The following BOLL variants were observed in gnomAD, a reference collection of about 807,000 sequenced individuals.
The protein encoded by BOLL is protein boule-like.
Under a neutral mutation model 44.4 loss-of-function variants are expected in BOLL, and 23 were observed. The ratio of observed to expected loss-of-function variants is 0.52; its 90% confidence interval spans 0.37 to 0.73. The LOEUF (loss-of-function observed/expected upper bound fraction) is 0.73. Among genes scored for constraint, BOLL ranks in the 30% least tolerant of loss-of-function variants. The pLI is 0.00. For synonymous variants in BOLL, 97 were observed against 110.8 expected (o/e 0.88, Z 0.78); for missense variants, 287 against 338.3 (o/e 0.85, Z 1.19).
intron 3 of BOLL, among the ~76,000 whole-genome samples, chr2:197,777,720 A>G (rs978887096): frequency 2.6e-5 from 4 of 151,858 alleles, no homozygotes; most frequent in Non-Finnish European, 5.9e-5. Context: ...ATACACATAA[A>G]TGATGTGCTC....
rs142614771 is a variant in BOLL, at chr2:197,754,750, A to AACACACACACACAC, written c.729+1664_729+1677dup. Among the ~76,000 whole-genome samples the AACACACACACACAC allele has an allele frequency of 2.1e-3, 315 of 150,058 alleles. 1 individual carries two copies. The highest frequency in any genetic ancestry group is 7.2e-3 in the African/African-American group (298 of 41,130). ...CAAAAAACAAACAAAAAAACCCCAA[A>AACACACACACACAC]ACACACACACACACACACACACACA... On this transcript the variant is annotated intron_variant, in intron 9 of 10. Coordinates refer to ENST00000392296, the MANE Select transcript of BOLL (RefSeq NM_033030.6).
Position 197,753,524 on chromosome 2 carries a change from CAT to C in BOLL, c.729+2902_729+2903del, listed in dbSNP as rs578042648. 4.5e-4 allele frequency among the ~76,000 whole-genome samples: 68 copies of C among 152,206 alleles called. 2 individuals carry two copies. The South Asian group carries it at 1.0e-2, about 22-fold the overall frequency. On this transcript the variant is annotated intron_variant, in intron 9 of 10. Transcript: ENST00000392296. ...AGAAGATATTTATGTGGCCACCAAA[CAT>C]ATGAAAAAAAGCTCATCATCACTGG... is the stretch of plus-strand genomic sequence containing the variant.
chr2:197,741,115 A>C lies in BOLL; in HGVS notation c.828+1946T>G, dbSNP rs574068520. ...ATATTGATTCTTCCTACCCGTGAGCATGGAATGTTCTTCCATTTGTTTGTA... is the reference window on the plus strand; with the variant it reads ...ATATTGATTCTTCCTACCCGTGAGCCTGGAATGTTCTTCCATTTGTTTGTA... On this transcript the variant is annotated intron_variant, in intron 10 of 10. Coordinates refer to ENST00000392296, the MANE Select transcript of BOLL (RefSeq NM_033030.6). Among the ~76,000 whole-genome samples the C allele has an allele frequency of 2.6e-5, 4 of 152,312 alleles. No homozygotes were observed. In the East Asian group the frequency reaches 7.7e-4, roughly 29 times the overall value.
chr2:197,785,492 G>T, upstream of BOLL: 2 of 675,506 alleles, frequency 3.0e-6, no homozygotes, highest in Non-Finnish European at 3.7e-6. This position sits in a 1 kb window ranked among gnomAD's most constrained non-coding sequence, Gnocchi z 6.7. Flanking sequence ...TCCGGGTCCC[G>T]CCTGGGCCAC....
intron 6 of BOLL, among the ~76,000 whole-genome samples, chr2:197,768,526 T>C (rs577350656): frequency 9.7e-4 from 147 of 151,564 alleles, no homozygotes; most frequent in Admixed American, 2.8e-3. Context: ...TGGAACAAAA[T>C]AGCAGAAAAA....
intron 8 of BOLL, 96 bp downstream of exon 8, chr2:197,757,257 A>G (rs1688558569): frequency 2.0e-6 from 2 of 979,612 alleles, no homozygotes; most frequent in South Asian, 1.7e-5. Flanking sequence ...CAGAAGAAGA[A>G]GGTCTCAAAT....
chr2:197,766,073 C>A (rs1359072668), intron 7 of BOLL, among the ~76,000 whole-genome samples: 1 of 152,122 alleles, frequency 6.6e-6, no homozygotes, highest in African/African-American at 2.4e-5. Flanking sequence ...ATATGTACCA[C>A]ATTTTCTTTA....
At chr2:197,734,860 C>T (rs527815751) in intron 10 of BOLL, among the ~76,000 whole-genome samples, 15 of 151,996 alleles carry the variant, frequency 9.9e-5, no homozygotes, top group South Asian at 2.1e-4. Context: ...TGCTAAATGA[C>T]GAGTTAATGG....
At chr2:197,750,473 C>CA (rs1289303355) in intron 9 of BOLL, among the ~76,000 whole-genome samples, 10 of 150,902 alleles carry the variant, frequency 6.6e-5, no homozygotes, top group South Asian at 2.1e-4. Context: ...AAATGGAAAG[C>CA]AAAAAAAAGC....
At chr2:197,765,198 G>A (rs931350154) in intron 7 of BOLL, among the ~76,000 whole-genome samples, 16 of 152,096 alleles carry the variant, frequency 1.1e-4, no homozygotes, top group Admixed American at 7.9e-4. Flanking sequence ...TAGGAAGAGG[G>A]TGAGGGATAA....
chr2:197,773,544 A>T (rs372381005), intron 5 of BOLL, among the ~76,000 whole-genome samples: 2 of 151,878 alleles, frequency 1.3e-5, no homozygotes, highest in South Asian at 4.1e-4. Flanking sequence ...TATACAAAAC[A>T]TATATAAAAT....
chr2:197,754,143 G>A (rs1021165081), intron 9 of BOLL, among the ~76,000 whole-genome samples: 3 of 152,126 alleles, frequency 2.0e-5, no homozygotes, highest in Admixed American at 1.3e-4. Context: ...TCAGGGGGTC[G>A]GGGGCACGGG....
chr2:197,735,109 G>C (rs1687422661), intron 10 of BOLL, among the ~76,000 whole-genome samples: 1 of 152,042 alleles, frequency 6.6e-6, no homozygotes, highest in African/African-American at 2.4e-5. Flanking sequence ...AAAAGTTACT[G>C]TAAAATTTAT....
intron 1 of BOLL, among the ~76,000 whole-genome samples, chr2:197,782,812 T>C (rs993533791): frequency 2.6e-5 from 4 of 152,192 alleles, no homozygotes; most frequent in Non-Finnish European, 5.9e-5. Flanking sequence ...CACTTGTCAA[T>C]TTGAAGATTG....
chr2:197,780,320 G>GA (rs559273528), intron 2 of BOLL, among the ~76,000 whole-genome samples: 130 of 152,050 alleles, frequency 8.5e-4, no homozygotes, highest in African/African-American at 3.0e-3. Context: ...CTGTGGTTTT[G>GA]AAAAAGGTAT....
At position 197,781,783 on chromosome 2, in the gene BOLL, C is replaced by T. The variant is rs768635166; in HGVS notation, c.68G>A (p.Ser23Asn). Reference sequence around the variant, plus strand: ...GATCACTGTTCCATATCTTGGGGCACTTGTTGGGTTATTCAAAGGCACAGG... The same window carrying T: ...GATCACTGTTCCATATCTTGGGGCATTTGTTGGGTTATTCAAAGGCACAGG... ...VSPVPLNNPT[S>N]APRYGTVIPN... The change falls in exon 2 of 11, where the codon AGT (serine) becomes AAT (asparagine). Residue 23 changes from serine to asparagine, a missense_variant. Physicochemically the swap from Ser to Asn is conservative, Grantham distance 46. Coordinates refer to ENST00000392296, the MANE Select transcript of BOLL (RefSeq NM_033030.6). 7 of 1,607,342 alleles carry T rather than the reference C, an allele frequency of 4.4e-6. No homozygotes were observed. In the Admixed American group the frequency reaches 1.0e-4, roughly 23 times the overall value.
At chr2:197,751,337 A>C (rs1688241970) in intron 9 of BOLL, among the ~76,000 whole-genome samples, 1 of 130,778 alleles carries the variant, frequency 7.6e-6, no homozygotes, top group Admixed American at 7.6e-5. Context: ...AAAACCCTTC[A>C]AAAAAAATCA....
intron 10 of BOLL, among the ~76,000 whole-genome samples, chr2:197,730,021 C>T (rs1266499556): frequency 3.4e-5 from 5 of 148,580 alleles, no homozygotes; most frequent in South Asian, 4.4e-4. Context: ...CTCTGAGCTA[C>T]GGGAGGACAT....
chr2:197,749,236 A>G (rs1056089633), intron 9 of BOLL, among the ~76,000 whole-genome samples: 1 of 152,362 alleles, frequency 6.6e-6, no homozygotes, highest in Admixed American at 6.5e-5. Context: ...TTCACAGGTC[A>G]TCAGCATCAA....
Sources: gnomAD v4.1 joint callset for allele counts (sites outside exome capture counted in the v4.1 genomes callset) on GRCh38, gnomAD v4.1.1 for gene constraint, Gnocchi (gnomAD v3.1) non-coding constraint, MANE v1.5 for transcripts, NCBI Gene and HGNC (gene_info 2026-07-23, HGNC 2026-07-21) for gene names.